AMELY: variants seen among roughly 807,000 people sequenced by gnomAD.
AMELY encodes amelogenin, Y isoform.
A neutral mutation model predicts 4.2 loss-of-function variants in AMELY; 4 were observed. That is an observed-to-expected ratio of 0.96 (90% CI 0.47 to 2.19). AMELY has a LOEUF of 2.19. Among genes scored for constraint, AMELY ranks in the 30% most tolerant of loss-of-function variants. The pLI, the probability that AMELY is intolerant of heterozygous loss-of-function variation, is 0.02. For missense variants in AMELY, 32 were observed against 41.5 expected (o/e 0.77, Z 0.63); for synonymous variants, 11 against 14.7 (o/e 0.75, Z 0.57).
intron 1 of AMELY, among the ~76,000 whole-genome samples, chrY:6,875,767 G>C: frequency 3.0e-5 from 1 of 32,834 alleles, no homozygotes; most frequent in Admixed American, 2.8e-4. Context: ...GGAGTAAAAG[G>C]AGAGAGAAGG....
In AMELY at chrY:6,911,731, T is replaced by C. The variant is rs2011696425; in HGVS notation, c.-171A>G. On this transcript the variant is annotated 5_prime_UTR_variant, in exon 1 of 7. Coordinates refer to ENST00000651267, the MANE Select transcript of AMELY (RefSeq NM_001143.2). The stretch of plus-strand genomic sequence containing the variant: ...GGCAGATCCTGGGTCCGGCCTTGCT[T>C]CCCAGTGGTACCTTCTCTCACGGAG... Among the ~76,000 whole-genome samples, 1 of 34,135 alleles carries C rather than the reference T, an allele frequency of 2.9e-5. No individual in the cohort carries two copies. Among genetic ancestry groups the C allele is most frequent in the South Asian group, 6.5e-4 (1 of 1,545 alleles). The allele number at this position is 34,135 out of a possible 37,273, so 91.6% of individuals were successfully genotyped here. A position where few individuals can be genotyped will look rare whatever the true frequency, so the allele number is the denominator to read the frequency against.
At chrY:6,868,797 G>T in intron 4 of AMELY, 21 bp from the exon 5 acceptor site, 1 of 377,685 alleles carries the variant, frequency 2.6e-6, no homozygotes, top group Non-Finnish European at 3.8e-6. Flanking sequence ...AGATATATTA[G>T]AATCCATTTG....
At chrY:6,877,193 G>A in intron 1 of AMELY, among the ~76,000 whole-genome samples, 1 of 32,790 alleles carries the variant, frequency 3.0e-5, no homozygotes, top group Non-Finnish European at 7.5e-5. Context: ...TACCCATGCT[G>A]TTCCACCTGA....
intron 1 of AMELY, among the ~76,000 whole-genome samples, chrY:6,888,275 T>C (rs981269367): frequency 3.0e-5 from 1 of 33,845 alleles, no homozygotes; most frequent in Non-Finnish European, 7.3e-5. Flanking sequence ...TTGAGCTTTT[T>C]TCATATGTCT....
chrY:6,894,613 AG>A (rs2054085247), intron 1 of AMELY, among the ~76,000 whole-genome samples: 1 of 33,304 alleles, frequency 3.0e-5, no homozygotes, highest in Non-Finnish European at 7.4e-5. Flanking sequence ...ACAGTGGACC[AG>A]AAGGACAACT....
chrY:6,884,567 C>G (rs781522497), intron 1 of AMELY, among the ~76,000 whole-genome samples: 3 of 32,847 alleles, frequency 9.1e-5, no homozygotes, highest in South Asian at 1.4e-3. Flanking sequence ...CAGCAGTATA[C>G]TGTTTTCAAA....
chrY:6,908,845 G>C (rs2011672489), intron 1 of AMELY, among the ~76,000 whole-genome samples: 1 of 33,199 alleles, frequency 3.0e-5, no homozygotes, highest in African/African-American at 1.2e-4. Flanking sequence ...TAGTGTTACA[G>C]TGTCCTTTGG....
At chrY:6,866,482 A>G in intron 6 of AMELY, among the ~76,000 whole-genome samples, 1 of 32,583 alleles carries the variant, frequency 3.1e-5, no homozygotes, top group Admixed American at 2.9e-4. Context: ...TTCCATAAAT[A>G]GCTTTGTCAA....
chrY:6,895,235 G>A, intron 1 of AMELY, among the ~76,000 whole-genome samples: 1 of 33,756 alleles, frequency 3.0e-5, no homozygotes, highest in Non-Finnish European at 7.3e-5. Flanking sequence ...AAACACAAGT[G>A]AGGAATGTAA....
At chrY:6,886,236 G>C in intron 1 of AMELY, among the ~76,000 whole-genome samples, 1 of 33,283 alleles carries the variant, frequency 3.0e-5, no homozygotes, top group African/African-American at 1.2e-4. Context: ...TCTCAATAAA[G>C]GAATGAAAGT....
At chrY:6,885,287 A>G in intron 1 of AMELY, among the ~76,000 whole-genome samples, 3 of 33,418 alleles carry the variant, frequency 9.0e-5, no homozygotes, top group Non-Finnish European at 2.2e-4. Context: ...AGACCATCCT[A>G]ACACAGTGAA....
intron 6 of AMELY, among the ~76,000 whole-genome samples, chrY:6,866,639 C>CT (rs769931850): frequency 0.03 from 561 of 18,510 alleles, no homozygotes; most frequent in Middle Eastern, 0.13. Flanking sequence ...AATTTCCTTT[C>CT]TTTTTTTTTT....
Position 6,868,722 on chromosome Y carries a change from G to T in AMELY, c.147+10C>A. The T allele has an allele frequency of 2.6e-6, 1 of 391,543 alleles. No homozygotes were observed. Among genetic ancestry groups the T allele is most frequent in the African/African-American group, 6.2e-5 (1 of 16,178 alleles). On this transcript the variant is annotated intron_variant, in intron 5 of 6. Coordinates refer to ENST00000651267, the MANE Select transcript of AMELY (RefSeq NM_001143.2). ...ATTTTCAGGGAATAAAGAACAAAAT[G>T]TCTACATACTGGTGGTCTTATCATG...
At chrY:6,906,207 C>A (rs957350311) in intron 1 of AMELY, among the ~76,000 whole-genome samples, 4 of 33,243 alleles carry the variant, frequency 1.2e-4, no homozygotes, top group Non-Finnish European at 7.4e-5. Flanking sequence ...AGAAATTAAA[C>A]CTCTTTCTTT....
At chrY:6,876,809 A>T (rs749712944) in intron 1 of AMELY, among the ~76,000 whole-genome samples, 4 of 33,329 alleles carry the variant, frequency 1.2e-4, no homozygotes, top group African/African-American at 4.7e-4. Context: ...CACTGGGCCA[A>T]AAAGGGAGAG....
intron 2 of AMELY, among the ~76,000 whole-genome samples, chrY:6,873,024 T>C (rs917566607): frequency 3.0e-5 from 1 of 33,103 alleles, no homozygotes; most frequent in Non-Finnish European, 7.4e-5. Flanking sequence ...TACATAGCAT[T>C]TTATTATTTT....
chrY:6,879,518 A>G, intron 1 of AMELY, among the ~76,000 whole-genome samples: 1 of 33,373 alleles, frequency 3.0e-5, no homozygotes, highest in Non-Finnish European at 7.4e-5. Context: ...TGCTGTGCAG[A>G]AGCTTTTTAG....
At chrY:6,884,504 C>G in intron 1 of AMELY, among the ~76,000 whole-genome samples, 3 of 32,310 alleles carry the variant, frequency 9.3e-5, no homozygotes, top group African/African-American at 3.6e-4. Flanking sequence ...TGCAAGTGGG[C>G]TAAACATCCC....
chrY:6,893,277 C>G (rs2054084623), intron 1 of AMELY, among the ~76,000 whole-genome samples: 1 of 32,526 alleles, frequency 3.1e-5, no homozygotes, highest in Non-Finnish European at 7.4e-5. Context: ...CCTCACCACA[C>G]CTATGGGTCT....
Sources: allele counts gnomAD v4.1 joint callset (sites outside exome capture counted in the v4.1 genomes callset), GRCh38; gene constraint gnomAD v4.1.1; transcripts MANE v1.5; gene names NCBI Gene and HGNC (gene_info 2026-07-23, HGNC 2026-07-21).